Variants in CHN2 observed in about 807,000 individuals in gnomAD.
CHN2 encodes the protein chimerin 2, also known as beta-chimaerin.
CHN2 carries 35 observed loss-of-function variants against 56.3 expected under a neutral mutation model. The ratio of observed to expected loss-of-function variants is 0.62; its 90% CI spans 0.47 to 0.82. The LOEUF is 0.82. Among genes scored for constraint, CHN2 ranks in the 40% least tolerant of loss-of-function variants. The probability of loss-of-function intolerance (pLI) is 0.00; values close to 1 mark genes in which losing one functional copy is unlikely to be tolerated. For missense variants in CHN2, 491 were observed against 580.5 expected, an observed-to-expected ratio of 0.85 and a Z score of 1.58; for synonymous variants, 210 against 212.8, an observed-to-expected ratio of 0.99 and a Z score of 0.12.
intron 1 of CHN2, among the ~76,000 whole-genome samples, chr7:29,282,499 A>G (rs1042344038): frequency 1.3e-5 from 2 of 152,250 alleles, no homozygotes; most frequent in Non-Finnish European, 2.9e-5. Context: ...ACTTTGCACT[A>G]TAGAAGCGTT....
At chr7:29,175,758 A>C (rs1797236993) in intron 2 of CHN2, among the ~76,000 whole-genome samples, 1 of 152,208 alleles carries the variant, frequency 6.6e-6, no homozygotes, top group Non-Finnish European at 1.5e-5. Context: ...GGAAAAAAAC[A>C]AAACAAAAAA....
intron 2 of CHN2, among the ~76,000 whole-genome samples, chr7:29,171,357 A>T (rs982050144): frequency 1.4e-4 from 22 of 152,172 alleles, no homozygotes; most frequent in Admixed American, 1.1e-3. Flanking sequence ...TTCTGTGGGG[A>T]TACAAACCAA....
chr7:29,300,735 CAA>C (rs1217947884), intron 1 of CHN2, among the ~76,000 whole-genome samples: 1 of 152,132 alleles, frequency 6.6e-6, no homozygotes, highest in African/African-American at 2.4e-5. Flanking sequence ...ATTTGAATAA[CAA>C]AAGAAATATT....
At position 29,504,838 on chromosome 7, in the gene CHN2, T is replaced by C; in HGVS notation, c.991+17T>C. On this transcript the variant is annotated intron_variant, in intron 10 of 12. Coordinates refer to ENST00000222792, the MANE Select transcript of CHN2 (RefSeq NM_004067.4). ...TTGACAGAGGTAAGCTTGTACTTTC[T>C]TGAATGCCATCTGACATCCTAACAC... The C allele has an allele frequency of 1.3e-6, 2 of 1,574,696 alleles. No homozygotes were observed. Among genetic ancestry groups the C allele is most frequent in the Non-Finnish European group, 1.7e-6 (2 of 1,145,678 alleles).
At chr7:29,186,858 T>C (rs1423334089) in intron 2 of CHN2, among the ~76,000 whole-genome samples, 1 of 152,158 alleles carries the variant, frequency 6.6e-6, no homozygotes, top group Non-Finnish European at 1.5e-5. Flanking sequence ...GATAAATTAC[T>C]TACCCTAATT....
intron 1 of CHN2, among the ~76,000 whole-genome samples, chr7:29,255,425 C>G (rs150868787): frequency 6.6e-6 from 1 of 152,110 alleles, no homozygotes; most frequent in African/African-American, 2.4e-5. Flanking sequence ...AAGGAGGAGA[C>G]GGAACACCCT....
intron 1 of CHN2, among the ~76,000 whole-genome samples, chr7:29,197,050 A>T (rs755280780): frequency 1.9e-4 from 29 of 152,214 alleles, no homozygotes; most frequent in Non-Finnish European, 3.8e-4. Flanking sequence ...TTTAAAGCAC[A>T]CTTACCATTG....
At position 29,488,768 on chromosome 7, in the gene CHN2, A is replaced by G. The variant is rs184318616; in HGVS notation, c.655-7184A>G. ...TGTCCCAGCTGGGAGTGCTACTGGC[A>G]TTTAGTGGGTGGAGGCCAGCGATGC... On this transcript the variant is annotated intron_variant, in intron 7 of 12. Transcript: ENST00000222792. Among the ~76,000 whole-genome samples the G allele has an allele frequency of 1.0e-3, 155 of 152,242 alleles. 2 individuals are homozygous for G. The highest frequency in any genetic ancestry group is 2.7e-3 in the Admixed American group (42 of 15,306).
intron 6 of CHN2, among the ~76,000 whole-genome samples, chr7:29,430,458 A>G (rs192672495): frequency 3.9e-5 from 6 of 152,346 alleles, no homozygotes; most frequent in Admixed American, 3.9e-4. Flanking sequence ...ACGTGGTCAG[A>G]TAACATTTAT....
intron 1 of CHN2, among the ~76,000 whole-genome samples, chr7:29,301,095 G>T (rs886518023): frequency 1.3e-5 from 2 of 152,034 alleles, no homozygotes; most frequent in Non-Finnish European, 2.9e-5. Flanking sequence ...ACTGTCATTT[G>T]TATAGTCCCC....
At chr7:29,283,496 T>G (rs930262507) in intron 1 of CHN2, among the ~76,000 whole-genome samples, 3 of 152,204 alleles carry the variant, frequency 2.0e-5, no homozygotes, top group Non-Finnish European at 4.4e-5. Flanking sequence ...ACAGCAAGGA[T>G]AAAGAGATAT....
chr7:29,443,166 TC>T (rs1183044706), intron 6 of CHN2, among the ~76,000 whole-genome samples: 24 of 151,872 alleles, frequency 1.6e-4, no homozygotes, highest in African/African-American at 5.8e-4. Context: ...GGTCTCGATC[TC>T]CTGACCTCAT....
At chr7:29,278,798 C>G (rs1791434928) in intron 1 of CHN2, among the ~76,000 whole-genome samples, 1 of 152,170 alleles carries the variant, frequency 6.6e-6, no homozygotes, top group African/African-American at 2.4e-5. Context: ...GCTTGCTAGC[C>G]CTCCCCCATA....
chr7:29,506,371 C>A (rs953946477), intron 10 of CHN2, among the ~76,000 whole-genome samples: 1 of 152,210 alleles, frequency 6.6e-6, no homozygotes, highest in African/African-American at 2.4e-5. Context: ...GGCGTGGTGG[C>A]TCACACCTGT....
chr7:29,454,732 C>A (rs544193574), intron 6 of CHN2, among the ~76,000 whole-genome samples: 2 of 152,128 alleles, frequency 1.3e-5, no homozygotes, highest in South Asian at 4.2e-4. Flanking sequence ...AGCCACGTGG[C>A]CATCCTAACT....
chr7:29,273,349 A>G (rs866788472), intron 1 of CHN2, among the ~76,000 whole-genome samples: 2,000 of 57,736 alleles, frequency 0.035, 127 homozygotes, highest in African/African-American at 0.052. Flanking sequence ...ATGTGTATAT[A>G]TATATATATA....
intron 1 of CHN2, among the ~76,000 whole-genome samples, chr7:29,299,710 G>C (rs1793491592): frequency 6.6e-6 from 1 of 152,142 alleles, no homozygotes; most frequent in African/African-American, 2.4e-5. Context: ...TACTAATATT[G>C]CTTGTTGTCC....
At chr7:29,267,814 G>T (rs759655898) in intron 1 of CHN2, among the ~76,000 whole-genome samples, 3 of 152,182 alleles carry the variant, frequency 2.0e-5, no homozygotes, top group Non-Finnish European at 4.4e-5. Context: ...AGCTTTCTGT[G>T]TACATGAGCT....
At chr7:29,162,920 A>G (rs940104669) in intron 2 of CHN2, among the ~76,000 whole-genome samples, 1 of 152,232 alleles carries the variant, frequency 6.6e-6, no homozygotes, top group Non-Finnish European at 1.5e-5. Context: ...TGTACATGTG[A>G]TAAAACGTTA....
Sources: gnomAD v4.1 joint callset for allele counts (sites outside exome capture counted in the v4.1 genomes callset) on GRCh38, gnomAD v4.1.1 for gene constraint, MANE v1.5 for transcripts, NCBI Gene and HGNC (gene_info 2026-07-23, HGNC 2026-07-21) for gene names.